MED12L: variants seen among roughly 807,000 people sequenced by gnomAD.
MED12L encodes the protein mediator complex subunit 12L.
A neutral mutation model predicts 281.3 loss-of-function variants in MED12L; 60 were observed. The ratio of observed to expected loss-of-function variants is 0.21; its 90% CI spans 0.17 to 0.26. The LOEUF (loss-of-function observed/expected upper bound fraction) is 0.26. Among genes scored for constraint, MED12L ranks in the 10% least tolerant of loss-of-function variants. The pLI, the probability that MED12L is intolerant of heterozygous loss-of-function variation, is 1.00. For missense variants in MED12L, 2,146 were observed against 2,680.9 expected (o/e 0.80, Z 4.41); for synonymous variants, 974 against 987.2 (o/e 0.99, Z 0.25).
intron 16 of MED12L, among the ~76,000 whole-genome samples, chr3:151,262,766 C>T (rs933172239): frequency 6.7e-6 from 1 of 148,152 alleles, no homozygotes; most frequent in Admixed American, 6.8e-5. Context: ...CTAAGACTTA[C>T]TGAGTTTTTA....
At chr3:151,134,970 A>G (rs912864908) in intron 5 of MED12L, among the ~76,000 whole-genome samples, 20 of 151,958 alleles carry the variant, frequency 1.3e-4, no homozygotes, top group Admixed American at 9.8e-4. Flanking sequence ...TATTGTTATG[A>G]CTCTTTCCCT....
rs949482143 is a variant in MED12L, at chr3:151,432,880, C to T, written c.*76C>T. On this transcript the variant is annotated 3_prime_UTR_variant, in exon 45 of 45. Coordinates refer to ENST00000687756, the MANE Select transcript of MED12L (RefSeq NM_001393769.1). ...AAATCAAATTTAATGCATTAGTCAT[C>T]TTAAAAATGTCCCTTTTTTTCATTT... 1.3e-5 allele frequency: 13 copies of T among 1,032,458 alleles called. No homozygotes were observed. The highest frequency in any genetic ancestry group is 7.0e-5 in the Admixed American group (3 of 43,038). 64.0% of individuals were successfully genotyped at this position (1,032,458 alleles called of 1,614,324 possible).
intron 16 of MED12L, chr3:151,338,060 G>C: frequency 6.2e-7 from 1 of 1,614,062 alleles, no homozygotes; most frequent in Non-Finnish European, 8.5e-7. Flanking sequence ...CCCGGGTTTG[G>C]CTCAGGGTGT....
At chr3:151,329,519 C>T (rs139632884) in intron 16 of MED12L, 51 of 1,547,276 alleles carry the variant, frequency 3.3e-5, no homozygotes, top group African/African-American at 3.0e-4. Flanking sequence ...CTTCTTATGG[C>T]GGCAGTCATT....
intron 4 of MED12L, among the ~76,000 whole-genome samples, chr3:151,126,656 G>C (rs1323879010): frequency 1.3e-5 from 2 of 152,082 alleles, no homozygotes; most frequent in African/African-American, 4.8e-5. Flanking sequence ...TAAGAGTTTG[G>C]GACAGAGAGA....
chr3:151,286,796 G>A (rs147355703), intron 16 of MED12L, among the ~76,000 whole-genome samples: 157 of 152,246 alleles, frequency 1.0e-3, no homozygotes, highest in African/African-American at 3.4e-3. Flanking sequence ...ACTCTCAAAA[G>A]TGTCCTGGTT....
chr3:151,254,063 G>C (rs1737352211), intron 16 of MED12L, among the ~76,000 whole-genome samples: 2 of 145,150 alleles, frequency 1.4e-5, no homozygotes, highest in Non-Finnish European at 3.0e-5. Flanking sequence ...TGTACTTTAA[G>C]AAACAATTTA....
intron 16 of MED12L, among the ~76,000 whole-genome samples, chr3:151,266,012 A>T (rs184619738): frequency 1.3e-5 from 2 of 152,316 alleles, no homozygotes; most frequent in East Asian, 3.9e-4. Context: ...CAGGTTGCTC[A>T]GTTACAAGAG....
At chr3:151,353,858 C>A (rs1031769025) in intron 17 of MED12L, among the ~76,000 whole-genome samples, 1 of 152,142 alleles carries the variant, frequency 6.6e-6, no homozygotes, top group African/African-American at 2.4e-5. Flanking sequence ...AATCACAGTG[C>A]TGGCCGGGCG....
At chr3:151,348,357 A>G (rs940792115) in intron 16 of MED12L, among the ~76,000 whole-genome samples, 83 of 70,350 alleles carry the variant, frequency 1.2e-3, no homozygotes, top group African/African-American at 2.8e-3. Flanking sequence ...AAAAAAAAAA[A>G]AAAAAAGAAA....
At chr3:151,210,184 A>G (rs1726937550) in intron 16 of MED12L, among the ~76,000 whole-genome samples, 1 of 152,204 alleles carries the variant, frequency 6.6e-6, no homozygotes, top group African/African-American at 2.4e-5. Context: ...GTCAAATTGG[A>G]TCATGTTCCA....
chr3:151,154,312 G>A lies in MED12L; in HGVS notation c.557-1849G>A, dbSNP rs1355302597. Among the ~76,000 whole-genome samples the A allele has an allele frequency of 2.6e-5, 4 of 152,068 alleles. No individual in the cohort carries two copies. The South Asian group carries it at 8.3e-4, about 32-fold the overall frequency. ...ACTCCCAAAAGGAGTTCAGATTGTG[G>A]AATAGTATATTCAGCAACGTTTTTA... On this transcript the variant is annotated intron_variant, in intron 5 of 44. Coordinates refer to ENST00000687756, the MANE Select transcript of MED12L (RefSeq NM_001393769.1).
intron 16 of MED12L, among the ~76,000 whole-genome samples, chr3:151,215,616 G>A (rs939235981): frequency 6.6e-6 from 1 of 152,198 alleles, no homozygotes; most frequent in South Asian, 2.1e-4. Context: ...TGTCGGAAGT[G>A]TTGATTTAGG....
At chr3:151,214,312 A>C in intron 16 of MED12L, 1 of 1,612,048 alleles carries the variant, frequency 6.2e-7, no homozygotes, top group African/African-American at 1.3e-5. Context: ...GGTTGAATTG[A>C]TCATCTTGTA....
rs189379326 is a variant in MED12L, at chr3:151,109,103, G to T, written c.100-7235G>T. Among the ~76,000 whole-genome samples the T allele has an allele frequency of 1.6e-3, 238 of 151,970 alleles. 1 individual carries two copies. The highest frequency in any genetic ancestry group is 5.2e-3 in the African/African-American group (216 of 41,442). ...GATGGAGTCTCGCTCTGTCGCCCAG[G>T]CTGGAGTGCAGTGGCGCAATCTCGG... On this transcript the variant is annotated intron_variant, in intron 2 of 44. Coordinates refer to ENST00000687756, the MANE Select transcript of MED12L (RefSeq NM_001393769.1).
chr3:151,267,041 A>G (rs1045233656), intron 16 of MED12L, among the ~76,000 whole-genome samples: 1 of 152,212 alleles, frequency 6.6e-6, no homozygotes, highest in African/African-American at 2.4e-5. Context: ...AGTACAAAAG[A>G]CTTTTTCCTA....
intron 39 of MED12L, among the ~76,000 whole-genome samples, chr3:151,401,178 A>G (rs1047104135): frequency 2.6e-5 from 4 of 151,876 alleles, no homozygotes; most frequent in Non-Finnish European, 2.9e-5. Context: ...TTATGTAGTT[A>G]TATTCATTCA....
chr3:151,352,672 G>C (rs748068934), intron 17 of MED12L, among the ~76,000 whole-genome samples: 22 of 152,148 alleles, frequency 1.4e-4, no homozygotes, highest in Non-Finnish European at 2.5e-4. Context: ...AGATCAGCCA[G>C]GTCTTGCCTA....
At chr3:151,229,859 G>A (rs896481069) in intron 16 of MED12L, among the ~76,000 whole-genome samples, 1 of 152,200 alleles carries the variant, frequency 6.6e-6, no homozygotes, top group Non-Finnish European at 1.5e-5. Flanking sequence ...GGACTTAAGG[G>A]TGAAAGATGC....
Sources: allele counts gnomAD v4.1 joint callset (sites outside exome capture counted in the v4.1 genomes callset), GRCh38; gene constraint gnomAD v4.1.1; transcripts MANE v1.5; gene names NCBI Gene and HGNC (gene_info 2026-07-23, HGNC 2026-07-21).